WDR31: variants seen among roughly 807,000 people sequenced by gnomAD.
The protein encoded by WDR31 is WD repeat-containing protein 31.
Under a neutral mutation model 47.3 loss-of-function variants are expected in WDR31, and 30 were observed. That is an observed-to-expected ratio of 0.63 (90% CI 0.47 to 0.86). The LOEUF (loss-of-function observed/expected upper bound fraction) is 0.86, where lower values mean the gene tolerates loss of function less well. Among genes scored for constraint, WDR31 ranks in the 40% least tolerant of loss-of-function variants. The pLI is 0.00. For synonymous variants in WDR31, 137 were observed against 159.4 expected (o/e 0.86, Z 1.06); for missense variants, 406 against 442.9 (o/e 0.92, Z 0.75).
At chr9:113,329,278 C>G (rs531879950) in intron 4 of WDR31, among the ~76,000 whole-genome samples, 1 of 152,226 alleles carries the variant, frequency 6.6e-6, no homozygotes, top group African/African-American at 2.4e-5. Context: ...AAGGAGAATT[C>G]CACATAAGGT....
At chr9:113,325,224 G>A (rs1487510949) in intron 5 of WDR31, among the ~76,000 whole-genome samples, 2 of 152,072 alleles carry the variant, frequency 1.3e-5, no homozygotes. Flanking sequence ...TAAACTGCTG[G>A]GATTACAGGC....
At chr9:113,334,442 T>C (rs10817480) in intron 2 of WDR31, among the ~76,000 whole-genome samples, 25,580 of 152,170 alleles carry the variant, frequency 0.17, 2,947 homozygotes, top group African/African-American at 0.33. Flanking sequence ...CATAAAATGA[T>C]GTTTTATGTT....
chr9:113,322,246 A>G (rs1025961452), intron 7 of WDR31, among the ~76,000 whole-genome samples: 6 of 151,960 alleles, frequency 3.9e-5, no homozygotes, highest in African/African-American at 1.2e-4. Context: ...GAAGACACAG[A>G]CACTCTAAGA....
chr9:113,331,491 C>T (rs1833595473), intron 3 of WDR31, among the ~76,000 whole-genome samples: 1 of 152,178 alleles, frequency 6.6e-6, no homozygotes, highest in Non-Finnish European at 1.5e-5. Context: ...CTCTGTTGCC[C>T]AGACTGGAGT....
At chr9:113,326,016 AT>A (rs1488214990) in intron 5 of WDR31, among the ~76,000 whole-genome samples, 1 of 152,108 alleles carries the variant, frequency 6.6e-6, no homozygotes, top group Non-Finnish European at 1.5e-5. Flanking sequence ...GGTTCAAGTG[AT>A]TCTCCTGCCT....
intron 2 of WDR31, among the ~76,000 whole-genome samples, chr9:113,335,746 T>C (rs1215648778): frequency 1.3e-5 from 2 of 152,190 alleles, no homozygotes; most frequent in African/African-American, 4.8e-5. Context: ...ACCCCAGCCC[T>C]GCCTCATCCC....
chr9:113,333,912 GCTCC>G (rs1392718923), intron 2 of WDR31, among the ~76,000 whole-genome samples: 1 of 151,838 alleles, frequency 6.6e-6, no homozygotes, highest in Non-Finnish European at 1.5e-5. Context: ...GAGGCCCTTC[GCTCC>G]CTCCCTCCCT....
At chr9:113,322,727 G>A (rs760058060) in intron 7 of WDR31, 84 bp downstream of exon 7, 3 of 1,387,358 alleles carry the variant, frequency 2.2e-6, no homozygotes, top group Non-Finnish European at 3.0e-6. Context: ...TCTGCTCATG[G>A]GCCTCCTGAT....
Position 113,331,962 on chromosome 9 carries a change from A to G in WDR31, c.61T>C (p.Cys21Arg), listed in dbSNP as rs1456538227. 1 of 1,613,928 alleles carries G rather than the reference A, an allele frequency of 6.2e-7. No homozygotes were observed. The highest frequency in any genetic ancestry group is 1.3e-5 in the African/African-American group (1 of 74,928). ...APPQKVSFRF[C>R]VVMGKQQSKL... is the part of the protein sequence containing the mutation. Reference sequence around the variant, plus strand: ...CTTTGCTGTTTCCCCATCACGACACAAAACCTAAACGAAACCTTCTGTGGA... The same window carrying G: ...CTTTGCTGTTTCCCCATCACGACACGAAACCTAAACGAAACCTTCTGTGGA... Residue 21 changes from cysteine (C) to arginine (R), a missense_variant, in exon 3 of 11, where the codon TGT (cysteine) becomes CGT (arginine). By Grantham distance (180) the Cys-to-Arg change is radical. Coordinates refer to ENST00000374193, the MANE Select transcript of WDR31 (RefSeq NM_001012361.4).
rs144324971 is a variant in WDR31 at position 113,334,596 on chromosome 9, A to G, written c.-29+1692T>C. On this transcript the variant is annotated intron_variant, in intron 2 of 10. Coordinates refer to ENST00000374193, the MANE Select transcript of WDR31 (RefSeq NM_001012361.4). ...CTCTTGTCACCCAGGCTGGAGTGCA[A>G]TGGCGTGATCTCAGCCCACTGCAAC... Among the ~76,000 whole-genome samples, 510 of 151,514 alleles carry G rather than the reference A, an allele frequency of 3.4e-3. 4 individuals are homozygous for G. The highest frequency in any genetic ancestry group is 5.6e-3 in the Non-Finnish European group (381 of 67,920).
chr9:113,326,368 CTTTCT>C (rs1290548576), intron 5 of WDR31, among the ~76,000 whole-genome samples: 1 of 150,996 alleles, frequency 6.6e-6, no homozygotes, highest in South Asian at 2.1e-4. Context: ...CTTTCCTTTC[CTTTCT>C]TTCTTTCTCT....
rs1431135738 is a variant in WDR31 at position 113,331,092 on chromosome 9, C to G, written c.141G>C (p.Glu47Asp). The G allele has an allele frequency of 1.3e-6, 2 of 1,506,424 alleles. No individual in the cohort carries two copies. The highest frequency in any genetic ancestry group is 1.1e-5 in the South Asian group (1 of 88,296). 93.3% of individuals were successfully genotyped at this position (1,506,424 alleles called of 1,614,324 possible). A position where few individuals can be genotyped will look rare whatever the true frequency, so the allele number is the denominator to read the frequency against. ...CTTGAAAAGCTTTAGTTTGAATTCT[C>G]TCTTCTATAATTTCATCAGGCCTGC... ...KYGRPDEIIE[E>D]RIQTKAFQEY... The change falls in exon 4 of 11, where the codon GAG (glutamate) becomes GAC (aspartate). Residue 47 changes from glutamate (E) to aspartate (D), a missense_variant. Coordinates refer to ENST00000374193, the MANE Select transcript of WDR31 (RefSeq NM_001012361.4).
At position 113,331,074 on chromosome 9, in the gene WDR31, A is replaced by T; in HGVS notation, c.159T>A (p.Ala53=). 1 of 1,568,118 alleles carries T rather than the reference A, an allele frequency of 6.4e-7. No individual in the cohort carries two copies. The highest frequency in any genetic ancestry group is 8.7e-7 in the Non-Finnish European group (1 of 1,151,502). Residue 53 remains alanine, a synonymous_variant, in exon 4 of 11, where the codon GCT becomes GCA. Coordinates refer to ENST00000374193, the MANE Select transcript of WDR31 (RefSeq NM_001012361.4). ...TGTGAGCTGGGCTATACTCTTGAAAAGCTTTAGTTTGAATTCTCTCTTCTA... is the reference window on the plus strand; with the variant it reads ...TGTGAGCTGGGCTATACTCTTGAAATGCTTTAGTTTGAATTCTCTCTTCTA... ...EIIEERIQTK[A]FQEYSPAHMD...
intron 10 of WDR31, 135 bp from the exon 11 acceptor site, chr9:113,317,044 C>T (rs1361260810): frequency 1.9e-6 from 2 of 1,078,018 alleles, no homozygotes; most frequent in Non-Finnish European, 2.5e-6. Flanking sequence ...CCCACTTCTT[C>T]AGAGGAAAGC....
In WDR31 at chr9:113,328,932, T is replaced by G; in HGVS notation, c.273A>C (p.Lys91Asn). The G allele has an allele frequency of 6.2e-7, 1 of 1,614,164 alleles. No homozygotes were observed. Among genetic ancestry groups the G allele is most frequent in the Non-Finnish European group, 8.5e-7 (1 of 1,179,978 alleles). ...KDKTVVAYNW[K>N]TGNVVKRFKG... ...TGAACCTTTTCACCACATTTCCAGT[T>G]TTCCAATTATAGGCCACAACTGTCT... The change falls in exon 5 of 11, where the codon AAA (lysine) becomes AAC (asparagine). Residue 91 changes from lysine to asparagine, a missense_variant. By Grantham distance (94) the Lys-to-Asn change is moderately conservative. Transcript: ENST00000374193.
At position 113,321,551 on chromosome 9, in the gene WDR31, C is replaced by T. The variant is rs758039117; in HGVS notation, c.598G>A (p.Glu200Lys). 6 of 1,614,210 alleles carry T rather than the reference C, an allele frequency of 3.7e-6. No homozygotes were observed. In the Admixed American group the frequency reaches 6.7e-5, roughly 18 times the overall value. ...TCAGAGGTCTGTAGTATGTATGGTT[C>T]TCTGGGGACCCAGCACAGGTGAGTG... ...VVTHLCWVPR[E>K]PYILQTSEDK... Residue 200 changes from glutamate (E) to lysine (K), a missense_variant, in exon 8 of 11, where the codon GAA becomes AAA. Physicochemically the swap from Glu to Lys is moderately conservative, Grantham distance 56 (BLOSUM62 1). Coordinates refer to ENST00000374193, the MANE Select transcript of WDR31 (RefSeq NM_001012361.4).
Position 113,331,446 on chromosome 9 carries a change from A to G in WDR31, c.117-330T>C, listed in dbSNP as rs115358889. ...TATGGGTGCAGACACTAGCTAATAAACTTGACTGTTTCTTTCTTTTGAGAC... is the reference window on the plus strand; with the variant it reads ...TATGGGTGCAGACACTAGCTAATAAGCTTGACTGTTTCTTTCTTTTGAGAC... On this transcript the variant is annotated intron_variant, in intron 3 of 10. Coordinates refer to ENST00000374193, the MANE Select transcript of WDR31 (RefSeq NM_001012361.4). Among the ~76,000 whole-genome samples the G allele has an allele frequency of 6.9e-3, 1,048 of 152,130 alleles. 13 individuals carry two copies. Among genetic ancestry groups the G allele is most frequent in the African/African-American group, 0.024 (989 of 41,502 alleles).
chr9:113,339,334 G>A (rs557552525), intron 1 of WDR31, among the ~76,000 whole-genome samples: 5 of 152,162 alleles, frequency 3.3e-5, no homozygotes, highest in Admixed American at 6.5e-5. Flanking sequence ...GGGCAGAGCC[G>A]GGTGGACTGG....
At chr9:113,321,444 G>C in intron 8 of WDR31, 67 bp downstream of exon 8, 2 of 1,477,930 alleles carry the variant, frequency 1.4e-6, no homozygotes, top group Non-Finnish European at 1.9e-6. Context: ...AGTGGGAATG[G>C]AGCCATGTAT....
Sources: gnomAD v4.1 joint callset for allele counts (sites outside exome capture counted in the v4.1 genomes callset) on GRCh38, gnomAD v4.1.1 for gene constraint, MANE v1.5 for transcripts, NCBI Gene and HGNC (gene_info 2026-07-23, HGNC 2026-07-21) for gene names.